The following C13orf42 variants were observed in gnomAD, a reference collection of about 807,000 sequenced individuals.
C13orf42 encodes the protein uncharacterized protein C13orf42.
At chr13:51,104,005 C>T (rs1026925056) in intron 1 of C13orf42, among the ~76,000 whole-genome samples, 12 of 152,102 alleles carry the variant, frequency 7.9e-5, no homozygotes, top group African/African-American at 1.7e-4. Flanking sequence ...CTGCATTGTA[C>T]GCTTTAAAAT....
intron 1 of C13orf42, among the ~76,000 whole-genome samples, chr13:51,095,427 C>T (rs1953222661): frequency 6.6e-6 from 1 of 151,970 alleles, no homozygotes; most frequent in South Asian, 2.1e-4. Flanking sequence ...ATTTCTCATA[C>T]CCCCCTCTCT....
intron 1 of C13orf42, among the ~76,000 whole-genome samples, chr13:51,142,488 T>C (rs1953702743): frequency 6.6e-6 from 1 of 152,048 alleles, no homozygotes; most frequent in Non-Finnish European, 1.5e-5. Context: ...TAAATACTTG[T>C]AGACAAACTG....
chr13:51,125,136 A>G (rs1489632056), intron 1 of C13orf42, among the ~76,000 whole-genome samples: 4 of 152,150 alleles, frequency 2.6e-5, no homozygotes, highest in African/African-American at 9.7e-5. Flanking sequence ...CCATTCATTA[A>G]CAGCCTCTCT....
intron 1 of C13orf42, among the ~76,000 whole-genome samples, chr13:51,094,573 C>T (rs955856010): frequency 1.1e-4 from 17 of 152,108 alleles, no homozygotes; most frequent in Non-Finnish European, 2.9e-5. Context: ...TTTCCCAGTC[C>T]TCCTCACCTC....
At position 51,091,979 on chromosome 13, in the gene C13orf42, C is replaced by T. The variant is rs7320631; in HGVS notation, c.415-3904G>A. ...TTAGCACACAGAGAGGCCCAGGTAA[C>T]GAGACTCCATCCATCCCCTGCTGCT... On this transcript the variant is annotated intron_variant, in intron 1 of 3. Coordinates refer to ENST00000563710, the MANE Select transcript of C13orf42 (RefSeq NM_001351589.3). Among the ~76,000 whole-genome samples, 1,293 of 152,234 alleles carry T rather than the reference C, an allele frequency of 8.5e-3. 18 individuals are homozygous for T. The highest frequency in any genetic ancestry group is 0.029 in the African/African-American group (1,217 of 41,536).
chr13:51,153,621 G>GTTTTTTGTTTTTTT (rs1953799413), intron 1 of C13orf42, among the ~76,000 whole-genome samples: 4 of 82,032 alleles, frequency 4.9e-5, no homozygotes, highest in Admixed American at 1.3e-4. Flanking sequence ...CTTGCTTTCT[G>GTTTTTTGTTTTTTT]TTTTTTTTCT....
At chr13:51,085,887 A>G (rs967905096) in intron 2 of C13orf42, among the ~76,000 whole-genome samples, 17 of 152,188 alleles carry the variant, frequency 1.1e-4, no homozygotes, top group South Asian at 1.0e-3. Flanking sequence ...CATCTCTATT[A>G]AAAATACAAA....
At chr13:51,120,050 G>A (rs113358283) in intron 1 of C13orf42, among the ~76,000 whole-genome samples, 3 of 152,212 alleles carry the variant, frequency 2.0e-5, no homozygotes, top group South Asian at 2.1e-4. Flanking sequence ...TGAAGTCCGC[G>A]CTGATTTATA....
At chr13:51,145,182 A>G (rs1953725327) in intron 1 of C13orf42, among the ~76,000 whole-genome samples, 1 of 152,178 alleles carries the variant, frequency 6.6e-6, no homozygotes, top group Admixed American at 6.5e-5. Context: ...ACTGAAAACT[A>G]AGCTGTGCTT....
At chr13:51,167,847 C>G (rs1182059655) in intron 1 of C13orf42, among the ~76,000 whole-genome samples, 2 of 152,186 alleles carry the variant, frequency 1.3e-5, no homozygotes, top group Non-Finnish European at 2.9e-5. Context: ...ACTTGATTGC[C>G]AGGCTTTGGT....
At chr13:51,087,396 CT>C (rs949214450) in intron 2 of C13orf42, among the ~76,000 whole-genome samples, 1 of 152,034 alleles carries the variant, frequency 6.6e-6, no homozygotes, top group Admixed American at 6.6e-5. Context: ...CATTTCATTT[CT>C]TTTTTTTAAG....
At chr13:51,131,688 T>A (rs2138021954) in intron 1 of C13orf42, among the ~76,000 whole-genome samples, 1 of 152,302 alleles carries the variant, frequency 6.6e-6, no homozygotes, top group South Asian at 2.1e-4. Flanking sequence ...AAAAAGAGCT[T>A]ATGTGAAAAA....
upstream of C13orf42, among the ~76,000 whole-genome samples, chr13:51,111,970 A>C (rs1371823846): frequency 6.6e-6 from 1 of 152,244 alleles, no homozygotes; most frequent in Non-Finnish European, 1.5e-5. Flanking sequence ...GACTTTTTGC[A>C]CAGAAGCATC....
chr13:51,167,408 G>C (rs2138054066), intron 1 of C13orf42, among the ~76,000 whole-genome samples: 1 of 152,306 alleles, frequency 6.6e-6, no homozygotes, highest in East Asian at 1.9e-4. Context: ...ACCTTCTAAA[G>C]CTGAAAAGCC....
chr13:51,137,961 C>T (rs1161341997), intron 1 of C13orf42, among the ~76,000 whole-genome samples: 1 of 152,208 alleles, frequency 6.6e-6, no homozygotes, highest in Non-Finnish European at 1.5e-5. Context: ...CATTCTTCAG[C>T]TTCTCTCTAA....
intron 1 of C13orf42, among the ~76,000 whole-genome samples, chr13:51,153,630 C>CTTTTTTT (rs1206289963): frequency 1.1e-4 from 9 of 81,246 alleles, no homozygotes; most frequent in East Asian, 3.8e-4. Context: ...TGTTTTTTTT[C>CTTTTTTT]TTTTTTTTTT....
intron 1 of C13orf42, among the ~76,000 whole-genome samples, chr13:51,170,155 G>GT (rs753780470): frequency 3.2e-4 from 48 of 152,180 alleles, no homozygotes; most frequent in Middle Eastern, 6.8e-3. Flanking sequence ...CCCTTTGACT[G>GT]TAATTTTCCT....
At chr13:51,097,544 A>G (rs1441873617) in intron 1 of C13orf42, among the ~76,000 whole-genome samples, 1 of 152,104 alleles carries the variant, frequency 6.6e-6, no homozygotes, top group Non-Finnish European at 1.5e-5. Context: ...CACACTTTCC[A>G]TGGGGCTTTC....
rs141054443 is a variant in C13orf42, at chr13:51,138,328, A to G, written n.137-25106T>C. The stretch of plus-strand genomic sequence containing the variant: ...TATCTTGTACTGCACATTTGCGTGT[A>G]GGTTAAAATCTTTCATTTCTTACAA... On this transcript the variant is annotated intron_variant and non_coding_transcript_variant, in intron 1 of 4. Transcript: ENST00000433280. Among the ~76,000 whole-genome samples, 470 of 152,318 alleles carry G rather than the reference A, an allele frequency of 3.1e-3. 3 individuals are homozygous for G. Among genetic ancestry groups the G allele is most frequent in the African/African-American group, 0.01 (422 of 41,576 alleles).
Sources: allele counts gnomAD v4.1 joint callset (sites outside exome capture counted in the v4.1 genomes callset), GRCh38; gene constraint gnomAD v4.1.1; transcripts MANE v1.5; gene names NCBI Gene and HGNC (gene_info 2026-07-23, HGNC 2026-07-21).